ESR2: variants seen among roughly 807,000 people sequenced by gnomAD.
The protein encoded by ESR2 is estrogen receptor 2, also known as estrogen receptor beta.
Under a neutral mutation model 49.6 loss-of-function variants are expected in ESR2, and 36 were observed. The observed-to-expected ratio is 0.73, with a 90% CI of 0.56 to 0.96. The LOEUF is 0.96. Ranked by LOEUF, ESR2 falls within the 40% of genes least tolerant of loss-of-function variation. The pLI, the probability that ESR2 is intolerant of heterozygous loss-of-function variation, is 0.00. For synonymous variants in ESR2, 320 were observed against 266.1 expected, an observed-to-expected ratio of 1.20 and a Z score of -1.97; for missense variants, 714 against 693.0, an observed-to-expected ratio of 1.03 and a Z score of -0.34.
At chr14:64,295,448 A>G (rs1005397619), upstream of ESR2, among the ~76,000 whole-genome samples, 5 of 152,164 alleles carry the variant, frequency 3.3e-5, no homozygotes, top group African/African-American at 1.2e-4. Flanking sequence ...AAAGATGGAG[A>G]AGCATCTGCT....
At chr14:64,227,932 G>A, downstream of ESR2, 1 of 1,596,810 alleles carries the variant, frequency 6.3e-7, no homozygotes, top group Non-Finnish European at 8.5e-7. Flanking sequence ...CTCCCCATCT[G>A]TAAAGGATAT....
At chr14:64,249,083 C>A (rs952339978) in intron 7 of ESR2, among the ~76,000 whole-genome samples, 5 of 152,160 alleles carry the variant, frequency 3.3e-5, no homozygotes, top group Non-Finnish European at 7.4e-5. Context: ...TTTATCATAG[C>A]ACAGAAATCA....
chr14:64,301,585 G>C (rs557969905), intron 1 of ESR2: 2 of 152,238 alleles, frequency 1.3e-5, no homozygotes, highest in South Asian at 4.1e-4. Context: ...GGATTTCTAC[G>C]GAGAGAACAG....
intron 1 of ESR2, among the ~76,000 whole-genome samples, chr14:64,317,091 C>A (rs2077264392): frequency 1.3e-5 from 2 of 152,006 alleles, no homozygotes; most frequent in Non-Finnish European, 2.9e-5. Context: ...ATGGTGAAAC[C>A]CCATGTCTAC....
chr14:64,289,307 GTT>G (rs2076832030), intron 1 of ESR2, among the ~76,000 whole-genome samples: 4 of 152,100 alleles, frequency 2.6e-5, no homozygotes, highest in Admixed American at 2.0e-4. Context: ...GAGGTCGGGA[GTT>G]TGAGACCAGC....
chr14:64,274,909 C>T (rs1159361539), intron 3 of ESR2, among the ~76,000 whole-genome samples: 1 of 152,122 alleles, frequency 6.6e-6, no homozygotes, highest in East Asian at 1.9e-4. Context: ...TGTATAGTTT[C>T]CAAAATTCTT....
intron 2 of ESR2, among the ~76,000 whole-genome samples, chr14:64,281,861 C>A (rs1311973775): frequency 6.6e-6 from 1 of 152,194 alleles, no homozygotes; most frequent in Non-Finnish European, 1.5e-5. Context: ...AAAGCTTATA[C>A]CAATCATCTA....
chr14:64,235,781 G>A (rs1250259228), intron 7 of ESR2, among the ~76,000 whole-genome samples: 1 of 152,144 alleles, frequency 6.6e-6, no homozygotes, highest in Non-Finnish European at 1.5e-5. Flanking sequence ...AACGCATGCA[G>A]GAACACATCT....
At chr14:64,276,376 C>T (rs1042079576) in intron 3 of ESR2, among the ~76,000 whole-genome samples, 1 of 152,116 alleles carries the variant, frequency 6.6e-6, no homozygotes, top group Admixed American at 6.5e-5. Flanking sequence ...AAACATTTAC[C>T]TCACTAATAA....
At chr14:64,331,547 C>A (rs140135253) in intron 1 of ESR2, among the ~76,000 whole-genome samples, 1 of 152,242 alleles carries the variant, frequency 6.6e-6, no homozygotes, top group Non-Finnish European at 1.5e-5. Flanking sequence ...TCCTTTGGGG[C>A]CGGGCCCAGT....
In ESR2 at chr14:64,230,307, G is replaced by A. The variant is rs905529952; in HGVS notation, c.*2830C>T. Among the ~76,000 whole-genome samples the A allele has an allele frequency of 3.9e-5, 6 of 152,122 alleles. No individual in the cohort carries two copies. The highest frequency in any genetic ancestry group is 3.4e-3 in the Middle Eastern group (1 of 292). ...GAATTTGAAAAGTCCCTTAGCAGAC[G>A]TAAATAAGAACTAAACCCTGCTTTC... On this transcript the variant is annotated 3_prime_UTR_variant, in exon 9 of 9. Transcript: ENST00000341099.
intron 1 of ESR2, among the ~76,000 whole-genome samples, chr14:64,301,927 A>G (rs929525072): frequency 9.9e-5 from 15 of 152,194 alleles, no homozygotes; most frequent in Admixed American, 3.3e-4. Context: ...GGCAAGGAGC[A>G]GGTTTTCCTC....
chr14:64,238,297 A>T (rs1425188501), intron 7 of ESR2, among the ~76,000 whole-genome samples: 1 of 152,114 alleles, frequency 6.6e-6, no homozygotes, highest in East Asian at 1.9e-4. Flanking sequence ...CGGTTTGGGG[A>T]GGTGAGGCAC....
intron 3 of ESR2, among the ~76,000 whole-genome samples, chr14:64,277,743 T>C (rs1483135723): frequency 6.6e-6 from 1 of 152,022 alleles, no homozygotes; most frequent in Admixed American, 6.6e-5. Flanking sequence ...TGTAATGCAC[T>C]TATATCAAAG....
At chr14:64,253,363 G>T (rs2076027229) in intron 6 of ESR2, among the ~76,000 whole-genome samples, 1 of 151,504 alleles carries the variant, frequency 6.6e-6, no homozygotes, top group South Asian at 2.1e-4. Flanking sequence ...GCTAATTTTT[G>T]TATTTTTAGT....
chr14:64,310,049 G>C (rs2077166378), intron 1 of ESR2, among the ~76,000 whole-genome samples: 1 of 152,030 alleles, frequency 6.6e-6, no homozygotes, highest in South Asian at 2.1e-4. Flanking sequence ...TCACGCCACT[G>C]TACTGCAGCC....
rs1337589619 is a variant in ESR2, at chr14:64,260,747, G to A, written c.654C>T (p.Gly218=). ...GGTACCCACATCTCTCTCTCCGGGA[G>A]CCTGAAGAGGAAAGCAGAGTCATTC... ...KCYEVGMVKC[G]SRRERCGYRL... The change falls in exon 5 of 9, where the codon GGC becomes GGT. Residue 218 remains glycine, a splice_region_variant and synonymous_variant. Transcript: ENST00000341099. 1 of 1,474,288 alleles carries A rather than the reference G, an allele frequency of 6.8e-7. No homozygotes were observed. Among genetic ancestry groups the A allele is most frequent in the Non-Finnish European group, 9.0e-7 (1 of 1,111,768 alleles). The allele number at this position is 1,474,288 out of a possible 1,614,324, so 91.3% of individuals were successfully genotyped here. A position where few individuals can be genotyped will look rare whatever the true frequency, so the allele number is the denominator to read the frequency against.
chr14:64,297,042 G>A (rs1454645924), upstream of ESR2, among the ~76,000 whole-genome samples: 1 of 152,144 alleles, frequency 6.6e-6, no homozygotes, highest in Non-Finnish European at 1.5e-5. Flanking sequence ...GCCTGGTATT[G>A]AGAACGATGC....
chr14:64,262,012 C>G (rs2076234481), intron 4 of ESR2, among the ~76,000 whole-genome samples: 1 of 152,012 alleles, frequency 6.6e-6, no homozygotes, highest in Non-Finnish European at 1.5e-5. Context: ...CATTAAAAAT[C>G]ATTTTTAATG....
Sources: gnomAD v4.1 joint callset for allele counts (sites outside exome capture counted in the v4.1 genomes callset) on GRCh38, gnomAD v4.1.1 for gene constraint, MANE v1.5 for transcripts, NCBI Gene and HGNC (gene_info 2026-07-23, HGNC 2026-07-21) for gene names.